Variants in TOGARAM1 observed in about 807,000 individuals in gnomAD.
TOGARAM1 encodes TOG array regulator of axonemal microtubules protein 1.
Under a neutral mutation model 166.6 loss-of-function variants are expected in TOGARAM1, and 100 were observed. The observed-to-expected ratio is 0.60, with a 90% CI of 0.51 to 0.71. The LOEUF (loss-of-function observed/expected upper bound fraction) is 0.71. Ranked by LOEUF, TOGARAM1 falls within the 30% of genes least tolerant of loss-of-function variation. The probability of loss-of-function intolerance (pLI) is 0.00; values close to 1 mark genes in which losing one functional copy is unlikely to be tolerated. For missense variants in TOGARAM1, 2,029 were observed against 2,102.7 expected (o/e 0.96, Z 0.69); for synonymous variants, 758 against 763.8 (o/e 0.99, Z 0.13).
intron 17 of TOGARAM1, 44 bp from the exon 18 acceptor site, chr14:45,068,380 A>T (rs1883228217): frequency 7.3e-7 from 1 of 1,374,876 alleles, no homozygotes. Context: ...TACAATAGCT[A>T]TAAAAATCAT....
chr14:45,073,365 A>G lies in TOGARAM1; in HGVS notation c.5126A>G (p.His1709Arg), dbSNP rs755727783. The change falls in exon 20 of 20, where the codon CAT becomes CGT. Residue 1709 changes from histidine (H) to arginine (R), a missense_variant. By Grantham distance (29) the His-to-Arg change is conservative. Transcript: ENST00000361462. Reference protein sequence around the residue: ...TEQKVLVVLWHLLGNMTNSGS... With the variant: ...TEQKVLVVLWRLLGNMTNSGS... Reference sequence around the variant, plus strand: ...CAGAAAGTGTTGGTTGTTTTATGGCATCTCTTAGGAAATATGACAAATAGT... The same window carrying G: ...CAGAAAGTGTTGGTTGTTTTATGGCGTCTCTTAGGAAATATGACAAATAGT... 2 of 1,614,174 alleles carry G rather than the reference A, an allele frequency of 1.2e-6. No homozygotes were observed. The highest frequency in any genetic ancestry group is 1.7e-6 in the Non-Finnish European group (2 of 1,180,020).
intron 1 of TOGARAM1, 143 bp downstream of exon 1, chr14:44,964,610 A>C: frequency 2.1e-6 from 2 of 953,478 alleles, no homozygotes; most frequent in Non-Finnish European, 3.0e-6. Context: ...GAATGTTGGT[A>C]CTCATTATAA....
chr14:44,984,425 A>G (rs1382328762), intron 1 of TOGARAM1, among the ~76,000 whole-genome samples: 5 of 152,000 alleles, frequency 3.3e-5, no homozygotes, highest in Admixed American at 6.6e-5. Flanking sequence ...ATAAATTTAA[A>G]CATAATTAAC....
At chr14:44,990,711 T>G (rs1887075149) in intron 1 of TOGARAM1, among the ~76,000 whole-genome samples, 1 of 152,198 alleles carries the variant, frequency 6.6e-6, no homozygotes, top group African/African-American at 2.4e-5. Context: ...TGTATTTTGT[T>G]TGCACATTTT....
Position 44,962,522 on chromosome 14 carries a change from A to G in TOGARAM1, c.101A>G (p.Asp34Gly), listed in dbSNP as rs1210998221. ...SRSRPSAPETDDSRVGGIMRG... is the reference protein window; with the variant it reads ...SRSRPSAPETGDSRVGGIMRG... ...AGTCGTCCTTCCGCCCCAGAGACCGATGATAGTCGAGTTGGGGGCATTATG... is the reference window on the plus strand; with the variant it reads ...AGTCGTCCTTCCGCCCCAGAGACCGGTGATAGTCGAGTTGGGGGCATTATG... The change falls in exon 1 of 20, where the codon GAT (aspartate) becomes GGT (glycine). Residue 34 changes from aspartate to glycine, a missense_variant. Physicochemically the swap from Asp to Gly is moderately conservative, Grantham distance 94. Coordinates refer to ENST00000361462, the MANE Select transcript of TOGARAM1 (RefSeq NM_001308120.2). The G allele has an allele frequency of 6.2e-7, 1 of 1,613,388 alleles. No individual in the cohort carries two copies. The highest frequency in any genetic ancestry group is 8.5e-7 in the Non-Finnish European group (1 of 1,179,856).
At chr14:44,975,810 A>AC (rs1886153578) in intron 1 of TOGARAM1, among the ~76,000 whole-genome samples, 1 of 117,462 alleles carries the variant, frequency 8.5e-6, no homozygotes, top group Non-Finnish European at 1.8e-5. Context: ...GGTTTGAACC[A>AC]TTTTTTTTTT....
At chr14:45,005,782 G>A (rs965835169) in intron 4 of TOGARAM1, among the ~76,000 whole-genome samples, 1 of 151,968 alleles carries the variant, frequency 6.6e-6, no homozygotes, top group Non-Finnish European at 1.5e-5. Flanking sequence ...CTTTCTCTTA[G>A]CACTATACTT....
intron 1 of TOGARAM1, among the ~76,000 whole-genome samples, chr14:44,977,006 A>G (rs1886232316): frequency 6.6e-6 from 1 of 152,188 alleles, no homozygotes; most frequent in African/African-American, 2.4e-5. Flanking sequence ...AAAGCAGAAC[A>G]TTAAGTATAC....
intron 7 of TOGARAM1, among the ~76,000 whole-genome samples, chr14:45,015,307 A>AAAATAAATAAAT (rs34431693): frequency 8.9e-5 from 13 of 146,742 alleles, no homozygotes; most frequent in Admixed American, 2.0e-4. Flanking sequence ...CCTATCTCAA[A>AAAATAAATAAAT]AAATAAATAA....
intron 6 of TOGARAM1, 193 bp from the exon 7 acceptor site, chr14:45,011,778 AATAT>A: frequency 7.5e-6 from 3 of 402,226 alleles, no homozygotes; most frequent in Non-Finnish European, 1.3e-5. Context: ...AGAATAGCAA[AATAT>A]ATATGTGTGT....
In TOGARAM1 at chr14:44,964,562, A is replaced by G. The variant is rs1885408228; in HGVS notation, c.2046+95A>G. On this transcript the variant is annotated intron_variant, in intron 1 of 19. Transcript: ENST00000361462. ...AAGGGTCAGCCTGCTTGAGGGAAAC[A>G]TGTTATGCTTTGTTTTAAATTGATT... 2.2e-6 allele frequency: 3 copies of G among 1,340,734 alleles called. No individual in the cohort carries two copies. In the South Asian group the frequency reaches 4.5e-5, roughly 20 times the overall value. The allele number at this position is 1,340,734 out of a possible 1,614,324, so 83.1% of individuals were successfully genotyped here.
At chr14:44,990,961 T>TC (rs1026321493) in intron 1 of TOGARAM1, among the ~76,000 whole-genome samples, 2 of 141,712 alleles carry the variant, frequency 1.4e-5, no homozygotes, top group African/African-American at 5.6e-5. Context: ...GGCTTTTTTT[T>TC]TTTTTTTTTT....
At position 45,044,684 on chromosome 14, in the gene TOGARAM1, G is replaced by A. The variant is rs1450216849; in HGVS notation, c.3968G>A (p.Ser1323Asn). ...TCTCGTGCTGCTGTGGTCTGTTTAA[G>A]TGATCTTTTCACTTATTTGAAAAAG... ...GVSRAAVVCL[S>N]DLFTYLKKSM... Residue 1323 changes from serine to asparagine, a missense_variant, in exon 13 of 20, where the codon AGT (serine) becomes AAT (asparagine). Ser to Asn is a conservative substitution (Grantham distance 46). Coordinates refer to ENST00000361462, the MANE Select transcript of TOGARAM1 (RefSeq NM_001308120.2). 8 of 1,613,872 alleles carry A rather than the reference G, an allele frequency of 5.0e-6. No individual in the cohort carries two copies. Among genetic ancestry groups the A allele is most frequent in the Non-Finnish European group, 6.8e-6 (8 of 1,179,956 alleles).
intron 7 of TOGARAM1, among the ~76,000 whole-genome samples, chr14:45,018,497 G>A (rs1261316281): frequency 6.6e-6 from 1 of 152,134 alleles, no homozygotes; most frequent in Non-Finnish European, 1.5e-5. Context: ...ACCTGCCTTG[G>A]CATCCCAAAG....
chr14:44,991,101 G>A (rs191577066), intron 1 of TOGARAM1, among the ~76,000 whole-genome samples: 14 of 151,456 alleles, frequency 9.2e-5, no homozygotes, highest in Non-Finnish European at 1.3e-4. Context: ...TGGGACTACC[G>A]GAATGCAACA....
intron 3 of TOGARAM1, 109 bp from the exon 4 acceptor site, chr14:45,003,952 A>T: frequency 1.3e-6 from 1 of 774,538 alleles, no homozygotes; most frequent in Non-Finnish European, 2.0e-6. Flanking sequence ...ACAAAAATAT[A>T]CATGCCAATT....
intron 13 of TOGARAM1, among the ~76,000 whole-genome samples, chr14:45,045,690 TACAC>T (rs1313586762): frequency 2.0e-5 from 2 of 97,972 alleles, no homozygotes; most frequent in Non-Finnish European, 3.6e-5. Flanking sequence ...TACACATATA[TACAC>T]ATATATATGT....
chr14:45,061,210 G>A (rs941056383), intron 16 of TOGARAM1, among the ~76,000 whole-genome samples: 2 of 152,070 alleles, frequency 1.3e-5, no homozygotes, highest in Admixed American at 6.5e-5. Context: ...ATAATCAATC[G>A]AATACTGCCA....
intron 14 of TOGARAM1, among the ~76,000 whole-genome samples, chr14:45,050,573 C>G (rs1379669219): frequency 6.6e-6 from 1 of 150,676 alleles, no homozygotes; most frequent in Non-Finnish European, 1.5e-5. Flanking sequence ...GTCTTAAGAT[C>G]ATCCTGTATC....
Sources: allele counts gnomAD v4.1 joint callset (sites outside exome capture counted in the v4.1 genomes callset), GRCh38; gene constraint gnomAD v4.1.1; transcripts MANE v1.5; gene names NCBI Gene and HGNC (gene_info 2026-07-23, HGNC 2026-07-21).